BAALC: variants seen among roughly 807,000 people sequenced by gnomAD.
BAALC encodes the protein BAALC binder of MAP3K1 and KLF4, also known as brain and acute leukemia cytoplasmic protein.
In BAALC, 9 loss-of-function variants were observed where a neutral mutation model predicts 15.5. That is an observed-to-expected ratio of 0.58 (90% CI 0.35 to 1.02). The LOEUF is 1.02. Among genes scored for constraint, BAALC ranks in the 50% least tolerant of loss-of-function variants. The probability of loss-of-function intolerance (pLI) is 0.02; values close to 1 mark genes in which losing one functional copy is unlikely to be tolerated. For synonymous variants in BAALC, 80 were observed against 74.6 expected (o/e 1.07, Z -0.37); for missense variants, 201 against 192.4 (o/e 1.04, Z -0.27).
chr8:103,142,203 T>A (rs1323313083), intron 1 of BAALC, among the ~76,000 whole-genome samples: 3 of 152,274 alleles, frequency 2.0e-5, no homozygotes, highest in Non-Finnish European at 4.4e-5. Flanking sequence ...CTTAAATCCA[T>A]GCCTACTAAA....
intron 1 of BAALC, among the ~76,000 whole-genome samples, chr8:103,162,130 A>G (rs955053723): frequency 4.0e-5 from 6 of 151,672 alleles, no homozygotes; most frequent in African/African-American, 1.5e-4. Flanking sequence ...AGCTAATTAA[A>G]AACATTTTTT....
At chr8:103,205,436 C>T (rs1240464585) in intron 1 of BAALC, among the ~76,000 whole-genome samples, 1 of 152,134 alleles carries the variant, frequency 6.6e-6, no homozygotes, top group African/African-American at 2.4e-5. Flanking sequence ...ATAAATGTCT[C>T]CTAATTTACT....
intron 1 of BAALC, among the ~76,000 whole-genome samples, chr8:103,199,411 C>T (rs1292708936): frequency 6.6e-6 from 1 of 151,928 alleles, no homozygotes; most frequent in Non-Finnish European, 1.5e-5. Flanking sequence ...CTTCAATAAG[C>T]CATAAGTTCC....
chr8:103,219,344 A>T (rs1812629672), intron 2 of BAALC: 1 of 152,296 alleles, frequency 6.6e-6, no homozygotes, highest in African/African-American at 2.4e-5. Flanking sequence ...ATTAACTGAG[A>T]CAGCCTAGTC....
chr8:103,203,386 A>G (rs532768314), intron 1 of BAALC, among the ~76,000 whole-genome samples: 23 of 152,342 alleles, frequency 1.5e-4, no homozygotes, highest in African/African-American at 5.5e-4. Context: ...GTCAATAAAC[A>G]TTCCAAAATG....
intron 1 of BAALC, among the ~76,000 whole-genome samples, chr8:103,171,228 G>T (rs1811477615): frequency 8.1e-6 from 1 of 123,604 alleles, no homozygotes; most frequent in Admixed American, 8.5e-5. Context: ...AAGCAAGGAA[G>T]GACAGAAAGA....
At chr8:103,178,412 A>G (rs1257214278) in intron 1 of BAALC, among the ~76,000 whole-genome samples, 1 of 152,146 alleles carries the variant, frequency 6.6e-6, no homozygotes, top group Admixed American at 6.6e-5. Flanking sequence ...GGGAAATCTA[A>G]ATAGGACGGG....
Position 103,193,467 on chromosome 8 carries a change from G to T in BAALC, c.161-19452G>T, listed in dbSNP as rs536027669. ...AGTGCCCTCTCTTGCTCTCAAGAAA[G>T]GACCTGAAATCAGCCTTTTGCACAT... On this transcript the variant is annotated intron_variant, in intron 1 of 2. Transcript: ENST00000309982. Among the ~76,000 whole-genome samples, 32 of 152,308 alleles carry T rather than the reference G, an allele frequency of 2.1e-4. No homozygotes were observed. In the South Asian group the frequency reaches 5.6e-3, roughly 27 times the overall value.
chr8:103,227,758 C>T (rs925759754), intron 2 of BAALC, among the ~76,000 whole-genome samples: 1 of 152,044 alleles, frequency 6.6e-6, no homozygotes, highest in Non-Finnish European at 1.5e-5. Flanking sequence ...CTCCCTTTTC[C>T]TTTCCTCTTT....
At chr8:103,217,093 GGGCAGA>G (rs2130077680) in intron 2 of BAALC, among the ~76,000 whole-genome samples, 1 of 152,298 alleles carries the variant, frequency 6.6e-6, no homozygotes, top group East Asian at 1.9e-4. Flanking sequence ...CAGCACCCCT[GGGCAGA>G]TGATGCATAT....
intron 1 of BAALC, among the ~76,000 whole-genome samples, chr8:103,191,894 G>A (rs1327051150): frequency 6.6e-6 from 1 of 152,104 alleles, no homozygotes; most frequent in East Asian, 1.9e-4. Context: ...AGGAATGGGG[G>A]CTTAAGAGTC....
chr8:103,178,146 A>G (rs946187629), intron 1 of BAALC, among the ~76,000 whole-genome samples: 20 of 152,316 alleles, frequency 1.3e-4, no homozygotes, highest in African/African-American at 4.1e-4. Flanking sequence ...AATGTTAAAA[A>G]CTTAATTATC....
chr8:103,168,344 A>C (rs1055647817), intron 1 of BAALC, among the ~76,000 whole-genome samples: 1 of 151,958 alleles, frequency 6.6e-6, no homozygotes, highest in Non-Finnish European at 1.5e-5. Context: ...TGAGGTTTTC[A>C]CTCTTTCACC....
At chr8:103,145,609 G>A (rs1022668087) in intron 1 of BAALC, among the ~76,000 whole-genome samples, 2 of 152,162 alleles carry the variant, frequency 1.3e-5, no homozygotes, top group African/African-American at 4.8e-5. Context: ...GGATTTGTTT[G>A]TTTTCCTGCT....
chr8:103,212,502 T>C (rs999575585), intron 1 of BAALC, among the ~76,000 whole-genome samples: 5 of 152,136 alleles, frequency 3.3e-5, no homozygotes, highest in Non-Finnish European at 5.9e-5. Context: ...AAGCCAGTAA[T>C]CCCACTTCTA....
chr8:103,200,958 CT>C (rs1334608405), intron 1 of BAALC, among the ~76,000 whole-genome samples: 2 of 152,104 alleles, frequency 1.3e-5, no homozygotes, highest in Non-Finnish European at 2.9e-5. Flanking sequence ...CATTAGAATA[CT>C]TTTTCCCTAA....
chr8:103,190,667 G>A (rs1811946045), intron 1 of BAALC, among the ~76,000 whole-genome samples: 1 of 152,110 alleles, frequency 6.6e-6, no homozygotes. Flanking sequence ...ATTTCCTTTA[G>A]TCTAATGGCA....
At chr8:103,195,770 T>A (rs1488488457) in intron 1 of BAALC, among the ~76,000 whole-genome samples, 1 of 152,202 alleles carries the variant, frequency 6.6e-6, no homozygotes, top group Non-Finnish European at 1.5e-5. Context: ...TGGCAGCTTC[T>A]TCCTGCAGTG....
intron 1 of BAALC, among the ~76,000 whole-genome samples, chr8:103,148,477 C>A (rs2129861600): frequency 6.6e-6 from 1 of 152,336 alleles, no homozygotes; most frequent in South Asian, 2.1e-4. Context: ...ATAAGCACAT[C>A]ATGGAGAATG....
Sources: allele counts gnomAD v4.1 joint callset (sites outside exome capture counted in the v4.1 genomes callset), GRCh38; gene constraint gnomAD v4.1.1; transcripts MANE v1.5; gene names NCBI Gene and HGNC (gene_info 2026-07-23, HGNC 2026-07-21).